The following CHD7 variants were observed in gnomAD, a reference collection of about 807,000 sequenced individuals.
CHD7 encodes chromodomain helicase DNA binding protein 7, also known as ATP-dependent chromatin remodeler CHD7.
CHD7 carries 24 observed loss-of-function variants against 307.3 expected under a neutral mutation model. That is an observed-to-expected ratio of 0.08 (90% confidence interval 0.06 to 0.11). CHD7 has a LOEUF of 0.11. Ranked by LOEUF, CHD7 falls within the 10% of genes least tolerant of loss-of-function variation. CHD7 has a pLI of 1.00. For missense variants in CHD7, 3,106 were observed against 3,727.1 expected (o/e 0.83, Z 4.34); for synonymous variants, 1,363 against 1,349.9 (o/e 1.01, Z -0.21).
At chr8:60,816,113 G>GTCTCTCTC (rs201056061) in intron 7 of CHD7, among the ~76,000 whole-genome samples, 294 of 139,298 alleles carry the variant, frequency 2.1e-3, no homozygotes, top group African/African-American at 5.1e-3. Context: ...CTGTCTGTCT[G>GTCTCTCTC]TCTCTCTCTC....
intron 1 of CHD7, among the ~76,000 whole-genome samples, chr8:60,688,128 A>T (rs1806005094): frequency 6.6e-6 from 1 of 152,162 alleles, no homozygotes; most frequent in South Asian, 2.1e-4. Flanking sequence ...TTCACACTTA[A>T]GGCCCTTCTG....
intron 1 of CHD7, among the ~76,000 whole-genome samples, chr8:60,713,370 A>G (rs913471248): frequency 1.3e-5 from 2 of 151,884 alleles, no homozygotes. Context: ...TTGGCCTCCC[A>G]AAGTGCTGGG....
intron 1 of CHD7, among the ~76,000 whole-genome samples, chr8:60,702,970 C>T (rs900214977): frequency 6.6e-6 from 1 of 152,196 alleles, no homozygotes; most frequent in Non-Finnish European, 1.5e-5. Context: ...AAGAAGGCCG[C>T]TCTGGTGCTC....
rs1804147666 is a variant in CHD7, at chr8:60,823,759, A to G, written c.3202-81A>G. ...GAGATCTCCAAAGGGATAAATACGT[A>G]TGTTTTATGCTATTTATTCATCCTT... is the stretch of plus-strand genomic sequence containing the variant. On this transcript the variant is annotated intron_variant, in intron 12 of 37. Coordinates refer to ENST00000423902, the MANE Select transcript of CHD7 (RefSeq NM_017780.4). 15 of 1,129,498 alleles carry G rather than the reference A, an allele frequency of 1.3e-5. No homozygotes were observed. In the South Asian group the frequency reaches 1.7e-4, roughly 13 times the overall value. 70.0% of individuals were successfully genotyped at this position (1,129,498 alleles called of 1,614,324 possible). A position where few individuals can be genotyped will look rare whatever the true frequency, so the allele number is the denominator to read the frequency against.
At chr8:60,798,749 TG>T (rs1380374445) in intron 4 of CHD7, among the ~76,000 whole-genome samples, 3 of 152,248 alleles carry the variant, frequency 2.0e-5, no homozygotes, top group Non-Finnish European at 2.9e-5. Context: ...CTTTGTGCTT[TG>T]CAAACTCATT....
chr8:60,741,690 G>A lies in CHD7; in HGVS notation c.258G>A (p.Pro86=), dbSNP rs750046226. The A allele has an allele frequency of 2.0e-5, 33 of 1,613,746 alleles. No homozygotes were observed. Among genetic ancestry groups the A allele is most frequent in the Middle Eastern group, 1.6e-4 (1 of 6,084 alleles). The change falls in exon 2 of 38, where the codon CCG becomes CCA. Residue 86 remains proline (P), a synonymous_variant. Coordinates refer to ENST00000423902, the MANE Select transcript of CHD7 (RefSeq NM_017780.4). ...EQQKMHLMDQ[P]NRMMSNTPGN... ...AAAAGATGCATCTGATGGATCAGCC[G>A]AACAGAATGATGAGCAACACCCCTG...
chr8:60,850,545 A>G lies in CHD7; in HGVS notation c.5457A>G (p.Glu1819=). Residue 1819 remains glutamate, a synonymous_variant, in exon 26 of 38, where the codon GAA becomes GAG. Transcript: ENST00000423902. ...CTGACCCCGCGCTGTGCTTTCTGGA[A>G]CGAGTCGGTATGCCTGATGCCAAGG... is the stretch of plus-strand genomic sequence containing the variant. ...MRADPALCFL[E]RVGMPDAKAI... is the part of the protein sequence containing the mutation. The G allele has an allele frequency of 1.2e-6, 2 of 1,613,538 alleles. No individual in the cohort carries two copies. Among genetic ancestry groups the G allele is most frequent in the Non-Finnish European group, 1.7e-6 (2 of 1,179,698 alleles).
chr8:60,709,753 C>T (rs1333446173), intron 1 of CHD7, among the ~76,000 whole-genome samples: 1 of 152,136 alleles, frequency 6.6e-6, no homozygotes, highest in Non-Finnish European at 1.5e-5. Context: ...GTAGCCATTT[C>T]ACTATAACTA....
chr8:60,719,957 ACATG>A (rs1279338937), intron 1 of CHD7, among the ~76,000 whole-genome samples: 5 of 152,224 alleles, frequency 3.3e-5, no homozygotes, highest in Admixed American at 6.5e-5. Flanking sequence ...AAGCCATAAA[ACATG>A]CATGAAGTAG....
chr8:60,797,369 CAG>C (rs1355467545), intron 4 of CHD7, among the ~76,000 whole-genome samples: 2 of 152,218 alleles, frequency 1.3e-5, no homozygotes, highest in African/African-American at 4.8e-5. Flanking sequence ...CACTATTGCA[CAG>C]ATTTATATCA....
Position 60,851,059 on chromosome 8 carries a change from C to A in CHD7, c.5562C>A (p.Asp1854Glu). ...GAGAATTTGATAGAGAAGATGAAGA[C>A]CCAGAATATAAACCAACCAGAACAC... ...DGGEFDREDE[D>E]PEYKPTRTPF... Residue 1854 changes from aspartate (D) to glutamate (E), a missense_variant, in exon 27 of 38, where the codon GAC becomes GAA. Transcript: ENST00000423902. 1.3e-6 allele frequency: 2 copies of A among 1,574,130 alleles called. No individual in the cohort carries two copies. The highest frequency in any genetic ancestry group is 1.2e-5 in the South Asian group (1 of 85,154).
intron 1 of CHD7, among the ~76,000 whole-genome samples, chr8:60,727,991 CCTT>C (rs895373008): frequency 3.3e-5 from 5 of 152,358 alleles, no homozygotes; most frequent in Admixed American, 2.0e-4. Flanking sequence ...ATGTCTGTCT[CCTT>C]CTTTGTAGCA....
Position 60,741,709 on chromosome 8 carries a change from A to G in CHD7, c.277A>G (p.Thr93Ala), listed in dbSNP as rs398124317. 1.7e-4 allele frequency: 275 copies of G among 1,613,656 alleles called. No individual in the cohort carries two copies. The highest frequency in any genetic ancestry group is 2.1e-4 in the Non-Finnish European group (253 of 1,179,834). The part of the protein sequence containing the change: ...MDQPNRMMSN[T>A]PGNGLASPHS... ...TCAGCCGAACAGAATGATGAGCAAC[A>G]CCCCTGGGAACGGACTCGCGTCTCC... Residue 93 changes from threonine (T) to alanine (A), a missense_variant, in exon 2 of 38, where the codon ACC becomes GCC. This residue lies in a region of CHD7 where 998 missense variants were observed against 1,004.5 expected (regional missense o/e 0.99). Transcript: ENST00000423902.
chr8:60,694,023 A>T (rs1242724734), intron 1 of CHD7, among the ~76,000 whole-genome samples: 1 of 152,276 alleles, frequency 6.6e-6, no homozygotes, highest in African/African-American at 2.4e-5. Context: ...GAACTTTTAC[A>T]TAAAGAACCA....
intron 1 of CHD7, among the ~76,000 whole-genome samples, chr8:60,735,449 G>C (rs1298761761): frequency 6.6e-6 from 1 of 152,078 alleles, no homozygotes; most frequent in Non-Finnish European, 1.5e-5. Flanking sequence ...TATGATGCTT[G>C]GGGACAAACA....
chr8:60,704,522 G>A (rs1051005183), intron 1 of CHD7, among the ~76,000 whole-genome samples: 2 of 151,532 alleles, frequency 1.3e-5, no homozygotes, highest in East Asian at 1.9e-4. Context: ...TACCCCAAGA[G>A]CAATGGGAAG....
rs746364215 is a variant in CHD7 at position 60,848,573 on chromosome 8, G to A, written c.5269G>A (p.Ala1757Thr). The A allele has an allele frequency of 1.2e-5, 19 of 1,613,554 alleles. No homozygotes were observed. In the East Asian group the frequency reaches 4.2e-4, roughly 36 times the overall value. The change falls in exon 24 of 38, where the codon GCG becomes ACG. Residue 1757 changes from alanine to threonine, a missense_variant. Physicochemically the swap from Ala to Thr is moderately conservative, Grantham distance 58. Coordinates refer to ENST00000423902, the MANE Select transcript of CHD7 (RefSeq NM_017780.4). ...AAGACAAGAAGTGATAGGAGACCAGGCGGATAAGATCTTAGAGGGTGCTGA... is the reference window on the plus strand; with the variant it reads ...AAGACAAGAAGTGATAGGAGACCAGACGGATAAGATCTTAGAGGGTGCTGA... ...YLRQEVIGDQ[A>T]DKILEGADSS...
intron 2 of CHD7, among the ~76,000 whole-genome samples, chr8:60,760,902 A>G (rs1194267767): frequency 1.3e-5 from 2 of 152,236 alleles, no homozygotes; most frequent in African/African-American, 4.8e-5. Flanking sequence ...GGGGCTGTCA[A>G]CTAGTTCAAC....
At chr8:60,795,212 A>G (rs955377928) in intron 4 of CHD7, 85 bp downstream of exon 4, 7 of 1,260,798 alleles carry the variant, frequency 5.6e-6, no homozygotes, top group Non-Finnish European at 7.8e-6. Flanking sequence ...GACCTCCCCT[A>G]TCTTGTTATA....
Sources: gnomAD v4.1 joint callset for allele counts (sites outside exome capture counted in the v4.1 genomes callset) on GRCh38, gnomAD v4.1.1 for gene constraint, gnomAD v4.1.1 regional missense constraint, MANE v1.5 for transcripts, NCBI Gene and HGNC (gene_info 2026-07-23, HGNC 2026-07-21) for gene names.